DGKI: variants seen among roughly 807,000 people sequenced by gnomAD.
DGKI encodes the protein DAG kinase iota.
A neutral mutation model predicts 147.5 loss-of-function variants in DGKI; 55 were observed. The observed-to-expected ratio is 0.37, with a 90% CI of 0.30 to 0.47. DGKI has a LOEUF of 0.47. DGKI is among the 20% of genes least tolerant of loss of function. The probability of loss-of-function intolerance (pLI) is 1.00; values close to 1 mark genes in which losing one functional copy is unlikely to be tolerated. For missense variants in DGKI, 1,007 were observed against 1,323.8 expected (o/e 0.76, Z 3.71); for synonymous variants, 469 against 477.1 (o/e 0.98, Z 0.22).
chr7:137,571,534 T>C (rs1291084416), intron 18 of DGKI, among the ~76,000 whole-genome samples: 1 of 152,258 alleles, frequency 6.6e-6, no homozygotes, highest in African/African-American at 2.4e-5. Flanking sequence ...GTTCGTTATC[T>C]ATATTTCTCA....
chr7:137,591,033 T>A (rs73728752), intron 12 of DGKI, among the ~76,000 whole-genome samples: 2,742 of 152,300 alleles, frequency 0.018, 70 homozygotes, highest in African/African-American at 0.063. Context: ...TTCTAGGCTG[T>A]GTTCCTAATT....
At chr7:137,609,109 G>C in intron 9 of DGKI, 45 bp from the exon 10 acceptor site, 2 of 1,521,120 alleles carry the variant, frequency 1.3e-6, no homozygotes, top group South Asian at 1.1e-5. Flanking sequence ...TCCATGGCTT[G>C]AAAGGCAACC....
intron 19 of DGKI, among the ~76,000 whole-genome samples, chr7:137,562,449 T>C (rs1178802880): frequency 6.6e-6 from 1 of 152,058 alleles, no homozygotes; most frequent in African/African-American, 2.4e-5. Context: ...GGCAGGAGAA[T>C]CACCTGAACC....
intron 28 of DGKI, among the ~76,000 whole-genome samples, chr7:137,419,070 T>G (rs977175730): frequency 1.3e-5 from 2 of 152,348 alleles, no homozygotes; most frequent in Non-Finnish European, 2.9e-5. Flanking sequence ...AAAGGACTCT[T>G]GTTTCATTTA....
intron 1 of DGKI, among the ~76,000 whole-genome samples, chr7:137,811,384 TCACACACACACACACACA>T (rs55647700): frequency 7.6e-6 from 1 of 132,112 alleles, no homozygotes; most frequent in African/African-American, 3.0e-5. Flanking sequence ...TCTCTCTCTC[TCACACACACACACACACA>T]CACACACACA....
At chr7:137,536,613 T>C (rs1470607597) in intron 20 of DGKI, among the ~76,000 whole-genome samples, 1 of 152,158 alleles carries the variant, frequency 6.6e-6, no homozygotes, top group African/African-American at 2.4e-5. Context: ...TCAAAGCTGA[T>C]AGGAATTCGA....
chr7:137,607,056 G>A lies in DGKI; in HGVS notation c.1167+1910C>T, dbSNP rs569229128. ...TGATCTCGAGAAATGGTTCAGAAAG[G>A]CACCACTGAGCCTCGAAGGATGAAC... On this transcript the variant is annotated intron_variant, in intron 10 of 32. Coordinates refer to ENST00000614521, the MANE Select transcript of DGKI (RefSeq NM_001321708.2). Among the ~76,000 whole-genome samples, 8 of 152,226 alleles carry A rather than the reference G, an allele frequency of 5.3e-5. No homozygotes were observed. The South Asian group carries it at 6.2e-4, about 12-fold the overall frequency.
At chr7:137,688,600 T>C (rs1823503017) in intron 2 of DGKI, among the ~76,000 whole-genome samples, 2 of 152,228 alleles carry the variant, frequency 1.3e-5, no homozygotes, top group Non-Finnish European at 2.9e-5. Context: ...GACTACAGGG[T>C]TGTTTGGAAC....
intron 1 of DGKI, among the ~76,000 whole-genome samples, chr7:137,835,424 A>G (rs770623353): frequency 2.6e-5 from 4 of 152,220 alleles, no homozygotes; most frequent in Admixed American, 6.5e-5. Context: ...CTACAGAAGC[A>G]TATGCTTTCT....
intron 1 of DGKI, among the ~76,000 whole-genome samples, chr7:137,723,899 G>A (rs1244533791): frequency 2.6e-5 from 4 of 151,728 alleles, no homozygotes; most frequent in East Asian, 1.9e-4. Context: ...TAGTAGAGAC[G>A]GGGTTTCACC....
chr7:137,460,084 A>C (rs1372133500), intron 27 of DGKI, among the ~76,000 whole-genome samples: 1 of 152,186 alleles, frequency 6.6e-6, no homozygotes, highest in African/African-American at 2.4e-5. Context: ...TAGCACTGTC[A>C]ACAGGATGCT....
At chr7:137,527,000 A>G (rs1271567247) in intron 20 of DGKI, among the ~76,000 whole-genome samples, 1 of 152,174 alleles carries the variant, frequency 6.6e-6, no homozygotes, top group East Asian at 1.9e-4. Context: ...GTCACTGGAA[A>G]CATGAATTAT....
chr7:137,794,978 T>G (rs1385958591), intron 1 of DGKI, among the ~76,000 whole-genome samples: 2 of 152,184 alleles, frequency 1.3e-5, no homozygotes, highest in African/African-American at 4.8e-5. Context: ...TTTCTGATTC[T>G]GTACTCACAA....
rs182368133 is a variant in DGKI, at chr7:137,501,190, G to A, written c.2249-13501C>T. Reference sequence around the variant, plus strand: ...CAGTTCCATCCATGTTGCTGCAAACGACAGAATTTTATTCTTTTTATGGCA... The same window carrying A: ...CAGTTCCATCCATGTTGCTGCAAACAACAGAATTTTATTCTTTTTATGGCA... On this transcript the variant is annotated intron_variant, in intron 21 of 32. Transcript: ENST00000614521. Among the ~76,000 whole-genome samples the A allele has an allele frequency of 9.2e-5, 14 of 152,140 alleles. No individual in the cohort carries two copies. The East Asian group carries it at 2.5e-3, about 27-fold the overall frequency.
At chr7:137,801,078 C>T (rs1160393479) in intron 1 of DGKI, among the ~76,000 whole-genome samples, 1 of 152,214 alleles carries the variant, frequency 6.6e-6, no homozygotes, top group Non-Finnish European at 1.5e-5. Flanking sequence ...ATTTTTCATT[C>T]TGCAAAGTGT....
At chr7:137,670,907 T>C (rs1320234967) in intron 3 of DGKI, among the ~76,000 whole-genome samples, 2 of 152,188 alleles carry the variant, frequency 1.3e-5, no homozygotes, top group Non-Finnish European at 2.9e-5. Flanking sequence ...CTAAGTCCAA[T>C]GCTGGTGCTC....
chr7:137,540,767 A>C (rs1817668558), intron 20 of DGKI, among the ~76,000 whole-genome samples: 1 of 98,382 alleles, frequency 1.0e-5, no homozygotes, highest in South Asian at 3.9e-4. Flanking sequence ...CCCCCCAAAA[A>C]AAAAAAAAAA....
chr7:137,527,877 A>C (rs1817206462), intron 20 of DGKI, among the ~76,000 whole-genome samples: 1 of 152,174 alleles, frequency 6.6e-6, no homozygotes, highest in Non-Finnish European at 1.5e-5. Context: ...AATCTAATAG[A>C]ATTCATTTGA....
intron 25 of DGKI, 119 bp downstream of exon 25, chr7:137,466,783 C>A: frequency 1.0e-6 from 1 of 982,604 alleles, no homozygotes; most frequent in East Asian, 2.4e-5. Context: ...GTTATGAACA[C>A]CATTCCAAAA....
Sources: allele counts gnomAD v4.1 joint callset (sites outside exome capture counted in the v4.1 genomes callset), GRCh38; gene constraint gnomAD v4.1.1; transcripts MANE v1.5; gene names NCBI Gene and HGNC (gene_info 2026-07-23, HGNC 2026-07-21).